TBL1XR1: variants seen among roughly 807,000 people sequenced by gnomAD.
TBL1XR1 encodes F-box-like/WD repeat-containing protein TBL1XR1.
Under a neutral mutation model 66.9 loss-of-function variants are expected in TBL1XR1, and 5 were observed. The ratio of observed to expected loss-of-function variants is 0.07; its 90% CI spans 0.04 to 0.16. The LOEUF (loss-of-function observed/expected upper bound fraction) is 0.16. TBL1XR1 is among the 10% of genes least tolerant of loss of function. The probability of loss-of-function intolerance (pLI) is 1.00; values close to 1 mark genes in which losing one functional copy is unlikely to be tolerated. For synonymous variants in TBL1XR1, 210 were observed against 206.0 expected, an observed-to-expected ratio of 1.02 and a Z score of -0.17; for missense variants, 238 against 623.2, an observed-to-expected ratio of 0.38 and a Z score of 6.58.
upstream of TBL1XR1, among the ~76,000 whole-genome samples, chr3:177,201,323 A>G (rs1418911552): frequency 6.8e-6 from 1 of 147,084 alleles, no homozygotes; most frequent in Non-Finnish European, 1.5e-5. Context: ...AGGCAGAAGA[A>G]TGGCTTGAAA....
At chr3:177,188,576 G>A (rs1011315309) in intron 1 of TBL1XR1, among the ~76,000 whole-genome samples, 15 of 152,014 alleles carry the variant, frequency 9.9e-5, no homozygotes, top group African/African-American at 2.7e-4. Context: ...TTAAGATACC[G>A]TAATGACCAT....
chr3:177,180,563 T>C (rs1734700517), intron 1 of TBL1XR1, among the ~76,000 whole-genome samples: 2 of 152,128 alleles, frequency 1.3e-5, no homozygotes, highest in African/African-American at 4.8e-5. Context: ...GTTCAAAGTT[T>C]TAAAACCGAA....
At chr3:177,115,781 T>A (rs749344101) in intron 1 of TBL1XR1, among the ~76,000 whole-genome samples, 1 of 152,234 alleles carries the variant, frequency 6.6e-6, no homozygotes, top group Admixed American at 6.5e-5. Context: ...ACTGCTTAAT[T>A]AACTATTCAT....
At chr3:177,101,599 T>C (rs908757868) in intron 1 of TBL1XR1, among the ~76,000 whole-genome samples, 8 of 152,210 alleles carry the variant, frequency 5.3e-5, no homozygotes, top group Non-Finnish European at 1.2e-4. Flanking sequence ...CTTCTTGCCA[T>C]GTGATGCCCT....
chr3:177,050,993 G>A (rs1281307025), intron 5 of TBL1XR1, among the ~76,000 whole-genome samples: 1 of 151,978 alleles, frequency 6.6e-6, no homozygotes, highest in Non-Finnish European at 1.5e-5. Flanking sequence ...CTTTTATCTC[G>A]ATGTCAGAGC....
chr3:177,019,665 TA>T lies in TBL1XR1; in HGVS notation c.*5832del, dbSNP rs1712108815. The T allele has an allele frequency of 6.6e-6, 1 of 152,190 alleles. No homozygotes were observed. The highest frequency in any genetic ancestry group is 1.5e-5 in the Non-Finnish European group (1 of 68,010). 9.4% of individuals were successfully genotyped at this position (152,190 alleles called of 1,614,324 possible). The stretch of plus-strand genomic sequence containing the variant: ...ATCTGCTACGGATTATACTAGGTAA[TA>T]AATCTAATCCATTGTAAAGTGTTAA... On this transcript the variant is annotated 3_prime_UTR_variant, in exon 16 of 16. Transcript: ENST00000457928.
At chr3:177,155,459 T>C (rs973174797) in intron 1 of TBL1XR1, among the ~76,000 whole-genome samples, 5 of 152,218 alleles carry the variant, frequency 3.3e-5, no homozygotes, top group African/African-American at 1.2e-4. Flanking sequence ...CTCAAGATTT[T>C]TTTGATCTAT....
At chr3:177,165,098 A>G (rs982733548) in intron 1 of TBL1XR1, among the ~76,000 whole-genome samples, 7 of 152,192 alleles carry the variant, frequency 4.6e-5, no homozygotes, top group Non-Finnish European at 7.3e-5. Context: ...AATGGGAAGG[A>G]AGAAATAAAA....
intron 1 of TBL1XR1, among the ~76,000 whole-genome samples, chr3:177,136,466 G>A (rs1027503305): frequency 6.6e-6 from 1 of 152,160 alleles, no homozygotes; most frequent in African/African-American, 2.4e-5. Flanking sequence ...TTTTAGTAGA[G>A]ACAGGGTTTC....
rs968467446 is a variant in TBL1XR1 at position 177,022,189 on chromosome 3, G to A, written c.*3309C>T. On this transcript the variant is annotated 3_prime_UTR_variant, in exon 16 of 16. Coordinates refer to ENST00000457928, the MANE Select transcript of TBL1XR1 (RefSeq NM_024665.7). ...CTTTGGCCTTTCTCTTGACATTTTC[G>A]TATGTCAAAAAGCAAAAAACCTTCA... 5.9e-5 allele frequency: 9 copies of A among 152,466 alleles called. No homozygotes were observed. Among genetic ancestry groups the A allele is most frequent in the African/African-American group, 1.4e-4 (6 of 41,414 alleles). The allele number at this position is 152,466 out of a possible 1,614,324, so 9.4% of individuals were successfully genotyped here.
chr3:177,191,712 AAAAAT>A (rs1438845703), intron 1 of TBL1XR1, among the ~76,000 whole-genome samples: 1 of 152,226 alleles, frequency 6.6e-6, no homozygotes, highest in Non-Finnish European at 1.5e-5. Flanking sequence ...AGTGGTCAGG[AAAAAT>A]AAAATAAAAC....
chr3:177,128,697 A>G (rs1727940281), intron 1 of TBL1XR1, among the ~76,000 whole-genome samples: 2 of 152,188 alleles, frequency 1.3e-5, no homozygotes, highest in African/African-American at 4.8e-5. Context: ...TTGGCCACTT[A>G]TGACACAGAG....
intron 5 of TBL1XR1, among the ~76,000 whole-genome samples, chr3:177,051,224 C>T (rs1717033019): frequency 6.6e-6 from 1 of 151,882 alleles, no homozygotes; most frequent in Non-Finnish European, 1.5e-5. Flanking sequence ...GAAATTATTT[C>T]AGCATAGAAG....
In TBL1XR1 at chr3:177,192,877, G is replaced by A. The variant is rs558728254; in HGVS notation, c.-122+4244C>T. ...AGAAACAAACACATTAGGGCCAGGC[G>A]CAATGTGGCTCATGCCTATAATCCC... On this transcript the variant is annotated intron_variant, in intron 1 of 15. Transcript: ENST00000457928. 1.1e-4 allele frequency among the ~76,000 whole-genome samples: 17 copies of A among 152,262 alleles called. 1 individual carries two copies. The highest frequency in any genetic ancestry group is 5.8e-4 in the East Asian group (3 of 5,186).
chr3:177,179,290 T>C (rs1322125624), intron 1 of TBL1XR1, among the ~76,000 whole-genome samples: 1 of 152,174 alleles, frequency 6.6e-6, no homozygotes, highest in Middle Eastern at 3.2e-3. Flanking sequence ...TAGTGTACTT[T>C]GAGCTCGACT....
At chr3:177,186,395 G>T (rs949054851) in intron 1 of TBL1XR1, among the ~76,000 whole-genome samples, 1 of 151,970 alleles carries the variant, frequency 6.6e-6, no homozygotes, top group East Asian at 1.9e-4. Context: ...CCCATAAAAA[G>T]GTAATTGCAG....
At chr3:177,049,346 G>A (rs971951423) in intron 7 of TBL1XR1, among the ~76,000 whole-genome samples, 1 of 152,196 alleles carries the variant, frequency 6.6e-6, no homozygotes, top group Non-Finnish European at 1.5e-5. Context: ...GCGGAGCGAG[G>A]TAAGAGATGT....
Position 177,039,762 on chromosome 3 carries a change from T to C in TBL1XR1, c.926-1328A>G, listed in dbSNP as rs573640842. ...GCACATAAGCCAAGAATGGCTTTTA[T>C]AGTGCAATGGGGGAGGAGGGGATCA... On this transcript the variant is annotated intron_variant, in intron 10 of 15. Transcript: ENST00000457928. Among the ~76,000 whole-genome samples, 170 of 152,268 alleles carry C rather than the reference T, an allele frequency of 1.1e-3. No individual in the cohort carries two copies. The South Asian group carries it at 0.013, about 12-fold the overall frequency.
intron 15 of TBL1XR1, among the ~76,000 whole-genome samples, chr3:177,025,796 CTCAA>C (rs1713032080): frequency 2.6e-5 from 4 of 152,062 alleles, no homozygotes; most frequent in Admixed American, 2.6e-4. Context: ...GGGGAAAATG[CTCAA>C]AACAGACCAT....
Sources: gnomAD v4.1 joint callset for allele counts (sites outside exome capture counted in the v4.1 genomes callset) on GRCh38, gnomAD v4.1.1 for gene constraint, MANE v1.5 for transcripts, NCBI Gene and HGNC (gene_info 2026-07-23, HGNC 2026-07-21) for gene names.